The following SLC4A10 variants were observed in gnomAD, a reference collection of about 807,000 sequenced individuals.
SLC4A10 encodes solute carrier family 4 member 10, also known as sodium-driven chloride bicarbonate exchanger.
Under a neutral mutation model 137.7 loss-of-function variants are expected in SLC4A10, and 42 were observed. The ratio of observed to expected loss-of-function variants is 0.30; its 90% CI spans 0.24 to 0.39. The LOEUF (loss-of-function observed/expected upper bound fraction) is 0.39, where lower values mean the gene tolerates loss of function less well. Ranked by LOEUF, SLC4A10 falls within the 10% of genes least tolerant of loss-of-function variation. SLC4A10 has a pLI of 1.00. For missense variants in SLC4A10, 925 were observed against 1,355.0 expected (o/e 0.68, Z 4.98); for synonymous variants, 474 against 464.1 (o/e 1.02, Z -0.27).
chr2:161,684,546 G>A (rs2041189813), intron 1 of SLC4A10, among the ~76,000 whole-genome samples: 1 of 152,092 alleles, frequency 6.6e-6, no homozygotes, highest in Non-Finnish European at 1.5e-5. Context: ...ATTTGTCTGG[G>A]GATAGGGTAT....
chr2:161,973,188 TTA>T (rs761457044), intron 23 of SLC4A10, among the ~76,000 whole-genome samples: 1 of 152,152 alleles, frequency 6.6e-6, no homozygotes, highest in Non-Finnish European at 1.5e-5. Flanking sequence ...AACTAGTTTT[TTA>T]TGTTTATACA....
At chr2:161,933,471 C>A (rs1355451343) in intron 15 of SLC4A10, among the ~76,000 whole-genome samples, 3 of 151,864 alleles carry the variant, frequency 2.0e-5, no homozygotes, top group African/African-American at 4.8e-5. Context: ...TAGCTCACTG[C>A]AGCCTGGAAC....
At chr2:161,967,343 G>A (rs1014507930) in intron 23 of SLC4A10, among the ~76,000 whole-genome samples, 5 of 152,160 alleles carry the variant, frequency 3.3e-5, no homozygotes, top group African/African-American at 1.2e-4. Flanking sequence ...TGCCAAGATA[G>A]GCTCCAGCCA....
intron 1 of SLC4A10, among the ~76,000 whole-genome samples, chr2:161,738,734 C>CT (rs1219727140): frequency 2.0e-5 from 3 of 152,136 alleles, no homozygotes; most frequent in Non-Finnish European, 2.9e-5. Flanking sequence ...AGCTTCTATT[C>CT]TTTTTTCTCT....
At chr2:161,858,892 T>C (rs1047686510) in intron 5 of SLC4A10, among the ~76,000 whole-genome samples, 6 of 152,204 alleles carry the variant, frequency 3.9e-5, no homozygotes, top group Non-Finnish European at 8.8e-5. Context: ...GAATGTAATC[T>C]GTAGAGTTGG....
At chr2:161,943,681 T>A (rs1693167328) in intron 16 of SLC4A10, among the ~76,000 whole-genome samples, 1 of 152,034 alleles carries the variant, frequency 6.6e-6, no homozygotes, top group Admixed American at 6.6e-5. Context: ...TCTTTTCTAT[T>A]CTTCCCAGCT....
At chr2:161,858,576 T>G (rs1477933943) in intron 5 of SLC4A10, among the ~76,000 whole-genome samples, 1 of 152,198 alleles carries the variant, frequency 6.6e-6, no homozygotes, top group Non-Finnish European at 1.5e-5. Flanking sequence ...TACCACAATT[T>G]ACTCTGATAT....
intron 10 of SLC4A10, among the ~76,000 whole-genome samples, chr2:161,891,039 C>T (rs2062853632): frequency 6.6e-6 from 1 of 152,126 alleles, no homozygotes; most frequent in South Asian, 2.1e-4. Flanking sequence ...GATTTTATTT[C>T]TCCTTTGCTT....
chr2:161,842,931 G>A (rs924295724), intron 4 of SLC4A10, among the ~76,000 whole-genome samples: 17 of 152,150 alleles, frequency 1.1e-4, no homozygotes, highest in Non-Finnish European at 1.8e-4. Flanking sequence ...AGGAACAGAT[G>A]TTCCTATGTG....
intron 21 of SLC4A10, among the ~76,000 whole-genome samples, chr2:161,962,725 A>G (rs1696930453): frequency 6.6e-6 from 1 of 152,162 alleles, no homozygotes; most frequent in African/African-American, 2.4e-5. Flanking sequence ...TATTTAGATA[A>G]CTGAGGAAAG....
intron 1 of SLC4A10, among the ~76,000 whole-genome samples, chr2:161,633,280 T>C (rs2033882424): frequency 6.6e-6 from 1 of 151,772 alleles, no homozygotes; most frequent in Non-Finnish European, 1.5e-5. Context: ...ATATAACTTG[T>C]TGCCTCAATC....
At chr2:161,701,915 C>G (rs1030684457) in intron 1 of SLC4A10, among the ~76,000 whole-genome samples, 1 of 151,782 alleles carries the variant, frequency 6.6e-6, no homozygotes, top group Non-Finnish European at 1.5e-5. Context: ...GGACACTGGC[C>G]AGGCTGCAGA....
chr2:161,947,154 A>G (rs1253447068), intron 16 of SLC4A10, among the ~76,000 whole-genome samples: 1 of 152,080 alleles, frequency 6.6e-6, no homozygotes, highest in African/African-American at 2.4e-5. Flanking sequence ...AACATATTTT[A>G]TGGTATTGGT....
intron 1 of SLC4A10, among the ~76,000 whole-genome samples, chr2:161,703,052 T>A (rs1004701688): frequency 2.0e-5 from 3 of 151,694 alleles, no homozygotes; most frequent in African/African-American, 7.2e-5. Context: ...AGACAATGAG[T>A]AAACATGATA....
At chr2:161,908,344 C>T (rs916327498) in intron 15 of SLC4A10, among the ~76,000 whole-genome samples, 1 of 148,112 alleles carries the variant, frequency 6.8e-6, no homozygotes, top group Non-Finnish European at 1.5e-5. Context: ...GGACAAAAAA[C>T]CAAACACCGC....
chr2:161,722,398 T>C (rs188745051), intron 1 of SLC4A10, among the ~76,000 whole-genome samples: 3 of 152,318 alleles, frequency 2.0e-5, no homozygotes, highest in Admixed American at 2.0e-4. Context: ...TGCTGTTTTG[T>C]TGTTTTCTGT....
chr2:161,895,782 TG>T (rs2063422759), intron 11 of SLC4A10, among the ~76,000 whole-genome samples: 1 of 152,200 alleles, frequency 6.6e-6, no homozygotes, highest in Admixed American at 6.5e-5. Context: ...CTTGTAAATT[TG>T]TTTGAGTTCA....
At chr2:161,774,149 G>A (rs1038533152) in intron 2 of SLC4A10, among the ~76,000 whole-genome samples, 1 of 151,876 alleles carries the variant, frequency 6.6e-6, no homozygotes, top group Admixed American at 6.6e-5. Flanking sequence ...TCAGGATTCT[G>A]AGTAAAGCAA....
chr2:161,672,939 G>A (rs138989885), intron 1 of SLC4A10, among the ~76,000 whole-genome samples: 2 of 152,272 alleles, frequency 1.3e-5, no homozygotes, highest in East Asian at 1.9e-4. Flanking sequence ...CTGGAAATGA[G>A]GGCAGTTATT....
Sources: allele counts gnomAD v4.1 joint callset (sites outside exome capture counted in the v4.1 genomes callset), GRCh38; gene constraint gnomAD v4.1.1; transcripts MANE v1.5; gene names NCBI Gene and HGNC (gene_info 2026-07-23, HGNC 2026-07-21).